Variants in EYA1 observed in about 807,000 individuals in gnomAD.
EYA1 encodes EYA transcriptional coactivator and phosphatase 1, also known as protein phosphatase EYA1.
In EYA1, 16 loss-of-function variants were observed where a neutral mutation model predicts 82.0. The ratio of observed to expected loss-of-function variants is 0.20; its 90% CI spans 0.13 to 0.30. The LOEUF (loss-of-function observed/expected upper bound fraction) is 0.30. Ranked by LOEUF, EYA1 falls within the 10% of genes least tolerant of loss-of-function variation. EYA1 has a pLI of 1.00. For missense variants in EYA1, 633 were observed against 730.7 expected (o/e 0.87, Z 1.54); for synonymous variants, 261 against 264.4 (o/e 0.99, Z 0.12).
chr8:71,462,085 C>T (rs1808403121), intron 2 of EYA1, among the ~76,000 whole-genome samples: 1 of 152,084 alleles, frequency 6.6e-6, no homozygotes, highest in Non-Finnish European at 1.5e-5. Flanking sequence ...AAGCCTAGCC[C>T]TCAGCCTTCA....
At chr8:71,260,137 C>G (rs921209368) in intron 11 of EYA1, among the ~76,000 whole-genome samples, 1 of 152,132 alleles carries the variant, frequency 6.6e-6, no homozygotes, top group Non-Finnish European at 1.5e-5. Context: ...GCACATTTAG[C>G]TTTATTTTCT....
intron 12 of EYA1, among the ~76,000 whole-genome samples, chr8:71,239,631 T>C (rs1379094585): frequency 6.6e-6 from 1 of 152,128 alleles, no homozygotes; most frequent in East Asian, 1.9e-4. Flanking sequence ...GACCCTTAGG[T>C]TTGGACTGTA....
At chr8:71,253,296 G>T (rs1813971029) in intron 11 of EYA1, among the ~76,000 whole-genome samples, 1 of 152,100 alleles carries the variant, frequency 6.6e-6, no homozygotes, top group Non-Finnish European at 1.5e-5. Flanking sequence ...AGGGTAAAAT[G>T]CATGTGACTT....
chr8:71,271,772 C>G lies in EYA1; in HGVS notation c.952G>C (p.Asp318His). ...CTATGACGTACCTCAAGATCAGAAT[C>G]TGGGGGAGGTGAAGGATTATTGTTT... is the stretch of plus-strand genomic sequence containing the variant. ...RRNNNPSPPPDSDLERVFIWD... is the reference protein window; with the variant it reads ...RRNNNPSPPPHSDLERVFIWD... Residue 318 changes from aspartate to histidine, a missense_variant, in exon 10 of 18, where the codon GAT becomes CAT. Asp to His is a moderately conservative substitution (Grantham distance 81). Coordinates refer to ENST00000340726, the MANE Select transcript of EYA1 (RefSeq NM_000503.6). 1 of 1,614,162 alleles carries G rather than the reference C, an allele frequency of 6.2e-7. No individual in the cohort carries two copies.
At chr8:71,272,610 A>G (rs1384639882) in intron 9 of EYA1, among the ~76,000 whole-genome samples, 1 of 152,176 alleles carries the variant, frequency 6.6e-6, no homozygotes, top group Non-Finnish European at 1.5e-5. Flanking sequence ...ACCACAAAAT[A>G]AAGAACAACC....
chr8:71,294,808 T>C (rs897167281), intron 9 of EYA1, among the ~76,000 whole-genome samples: 2 of 152,168 alleles, frequency 1.3e-5, no homozygotes, highest in Non-Finnish European at 2.9e-5. Context: ...AGAAAAAAGT[T>C]GGAAGACAGA....
intron 4 of EYA1, among the ~76,000 whole-genome samples, chr8:71,325,110 GA>G (rs1190360848): frequency 6.6e-6 from 1 of 152,194 alleles, no homozygotes; most frequent in African/African-American, 2.4e-5. Flanking sequence ...AGAATACAAA[GA>G]GATTCAAGCT....
intron 4 of EYA1, among the ~76,000 whole-genome samples, chr8:71,326,818 T>C (rs1451255180): frequency 3.3e-5 from 5 of 152,204 alleles, no homozygotes; most frequent in South Asian, 2.1e-4. Flanking sequence ...CAGGAAAACG[T>C]TGGTCTCCCT....
At chr8:71,214,621 T>G (rs908893953) in intron 16 of EYA1, among the ~76,000 whole-genome samples, 17 of 152,252 alleles carry the variant, frequency 1.1e-4, no homozygotes, top group African/African-American at 4.1e-4. Flanking sequence ...GTTTGTGAAC[T>G]ATTGATTGCA....
At chr8:71,286,872 A>C (rs919887350) in intron 9 of EYA1, among the ~76,000 whole-genome samples, 1 of 143,912 alleles carries the variant, frequency 6.9e-6, no homozygotes, top group African/African-American at 2.6e-5. Flanking sequence ...GCACGATCTC[A>C]GTTCACTGCA....
At chr8:71,475,777 C>T (rs1236329386) in intron 2 of EYA1, among the ~76,000 whole-genome samples, 1 of 152,094 alleles carries the variant, frequency 6.6e-6, no homozygotes, top group Non-Finnish European at 1.5e-5. Flanking sequence ...TCCTTGCTGG[C>T]TATAATTTTC....
intron 12 of EYA1, among the ~76,000 whole-genome samples, chr8:71,242,162 T>C (rs1196859500): frequency 6.6e-6 from 1 of 152,084 alleles, no homozygotes; most frequent in Non-Finnish European, 1.5e-5. Context: ...GCTGAGATGG[T>C]GCCACTGCAC....
At chr8:71,440,549 T>C (rs568356986) in intron 2 of EYA1, among the ~76,000 whole-genome samples, 1 of 152,260 alleles carries the variant, frequency 6.6e-6, no homozygotes, top group African/African-American at 2.4e-5. Context: ...TTTTTTGAGA[T>C]GGGGAAGACC....
At chr8:71,356,700 G>A (rs1826918850) in intron 1 of EYA1, 189 bp from the exon 2 acceptor site, 1 of 1,277,842 alleles carries the variant, frequency 7.8e-7, no homozygotes, top group Non-Finnish European at 9.9e-7. Context: ...CCTCCTGCAG[G>A]TCTATCCTCC....
intron 4 of EYA1, among the ~76,000 whole-genome samples, chr8:71,332,052 T>C (rs1477450832): frequency 6.6e-6 from 1 of 152,018 alleles, no homozygotes; most frequent in African/African-American, 2.4e-5. Context: ...CAGGTCTCCC[T>C]GTGTTGTCCA....
At position 71,217,204 on chromosome 8, in the gene EYA1, G is replaced by A. The variant is rs1460808517; in HGVS notation, c.1141-181C>T. Among the ~76,000 whole-genome samples, 21 of 152,158 alleles carry A rather than the reference G, an allele frequency of 1.4e-4. 1 individual carries two copies. ...TTTTACCTACTTAGGGTCCTCTCCT[G>A]TAAGAAAGAAGCAACATCGTTAAGG... On this transcript the variant is annotated intron_variant, in intron 12 of 17. Coordinates refer to ENST00000340726, the MANE Select transcript of EYA1 (RefSeq NM_000503.6).
At chr8:71,257,466 G>A (rs948449928) in intron 11 of EYA1, among the ~76,000 whole-genome samples, 1 of 152,068 alleles carries the variant, frequency 6.6e-6, no homozygotes, top group Admixed American at 6.5e-5. Flanking sequence ...TTTAAAACAC[G>A]TGCAAGCCAT....
chr8:71,369,321 T>C (rs1827956642), intron 2 of EYA1, among the ~76,000 whole-genome samples: 1 of 152,208 alleles, frequency 6.6e-6, no homozygotes, highest in East Asian at 1.9e-4. Flanking sequence ...AATGCTATTC[T>C]TTTCCTTAAG....
chr8:71,470,076 A>C (rs1326331773), intron 2 of EYA1, among the ~76,000 whole-genome samples: 3 of 152,062 alleles, frequency 2.0e-5, no homozygotes. Flanking sequence ...GAAACAAACA[A>C]AAAAATGTAA....
Sources: allele counts gnomAD v4.1 joint callset (sites outside exome capture counted in the v4.1 genomes callset), GRCh38; gene constraint gnomAD v4.1.1; transcripts MANE v1.5; gene names NCBI Gene and HGNC (gene_info 2026-07-23, HGNC 2026-07-21).